CNNM1: variants seen among roughly 807,000 people sequenced by gnomAD.
CNNM1 encodes the protein cyclin and CBS domain divalent metal cation transport mediator 1.
Under a neutral mutation model 78.8 loss-of-function variants are expected in CNNM1, and 44 were observed. The observed-to-expected ratio is 0.56, with a 90% CI of 0.44 to 0.72. The LOEUF (loss-of-function observed/expected upper bound fraction) is 0.72. CNNM1 is among the 30% of genes least tolerant of loss of function. The pLI is 0.00. For synonymous variants in CNNM1, 584 were observed against 581.5 expected (o/e 1.00, Z -0.06); for missense variants, 1,101 against 1,292.2 (o/e 0.85, Z 2.27).
At chr10:99,343,819 A>T (rs2030560925) in intron 1 of CNNM1, among the ~76,000 whole-genome samples, 1 of 151,466 alleles carries the variant, frequency 6.6e-6, no homozygotes, top group African/African-American at 2.4e-5. Context: ...GGTTCAAGCG[A>T]TTCTCCTGCC....
At chr10:99,390,637 T>C (rs1057110759) in intron 10 of CNNM1, among the ~76,000 whole-genome samples, 7 of 152,254 alleles carry the variant, frequency 4.6e-5, no homozygotes, top group Admixed American at 2.6e-4. Context: ...CTGCACACCA[T>C]GCCCACAGGT....
rs981774888 is a variant in CNNM1 at position 99,329,394 on chromosome 10, G to A, written c.7G>A (p.Ala3Thr). 42 of 740,218 alleles carry A rather than the reference G, an allele frequency of 5.7e-5. No homozygotes were observed. In the African/African-American group the frequency reaches 6.2e-4, roughly 11 times the overall value. The allele number at this position is 740,218 out of a possible 1,614,324, so 45.9% of individuals were successfully genotyped here. MAAAAAAAAAVGV... is the reference protein window; with the variant it reads MATAAAAAAAVGV... Reference sequence around the variant, plus strand: ...CAGCTGCGCTGGGTGCAGGATGGCGGCGGCCGCGGCGGCGGCAGCAGCGGT... The same window carrying A: ...CAGCTGCGCTGGGTGCAGGATGGCGACGGCCGCGGCGGCGGCAGCAGCGGT... Residue 3 changes from alanine to threonine, a missense_variant, in exon 1 of 11, where the codon GCG (alanine) becomes ACG (threonine). Physicochemically the swap from Ala to Thr is moderately conservative, Grantham distance 58 (BLOSUM62 0). Transcript: ENST00000356713.
In CNNM1 at chr10:99,393,662, A is replaced by G. The variant is rs975178027; in HGVS notation, c.*2146A>G. ...TCAAATGTCCATCAATTGATGGGGA[A>G]GGCTGGCACCCACCAAGAAGTGGAA... On this transcript the variant is annotated 3_prime_UTR_variant, in exon 11 of 11. Coordinates refer to ENST00000356713, the MANE Select transcript of CNNM1 (RefSeq NM_020348.3). The G allele has an allele frequency of 6.6e-6, 1 of 152,320 alleles. No individual in the cohort carries two copies. Among genetic ancestry groups the G allele is most frequent in the Non-Finnish European group, 1.5e-5 (1 of 68,020 alleles). The allele number at this position is 152,320 out of a possible 1,614,324, so 9.4% of individuals were successfully genotyped here. A position where few individuals can be genotyped will look rare whatever the true frequency, so the allele number is the denominator to read the frequency against.
intron 1 of CNNM1, among the ~76,000 whole-genome samples, chr10:99,356,564 G>GACAGAAAGAAAGAAAGA (rs1554940021): frequency 1.0e-5 from 1 of 98,186 alleles, no homozygotes; most frequent in Non-Finnish European, 2.1e-5. Context: ...CAGACAGACA[G>GACAGAAAGAAAGAAAGA]AAAGAAAGAA....
At chr10:99,361,750 G>A (rs1329318610) in intron 3 of CNNM1, among the ~76,000 whole-genome samples, 1 of 152,080 alleles carries the variant, frequency 6.6e-6, no homozygotes, top group African/African-American at 2.4e-5. Flanking sequence ...ATGCAATGAT[G>A]CCTCACATTA....
At chr10:99,390,178 C>T (rs1195007332) in intron 9 of CNNM1, 128 bp from the exon 10 acceptor site, 4 of 658,236 alleles carry the variant, frequency 6.1e-6, no homozygotes, top group Non-Finnish European at 1.1e-5. Flanking sequence ...TGCCTTGTTA[C>T]ACCACCCTCA....
chr10:99,390,477 T>C, intron 10 of CNNM1, 70 bp downstream of exon 10: 5 of 1,151,378 alleles, frequency 4.3e-6, no homozygotes, highest in Middle Eastern at 2.2e-4. Context: ...CATGTTAGCA[T>C]CTTCCTCTTG....
Position 99,329,463 on chromosome 10 carries a change from C to T in CNNM1, c.76C>T (p.Leu26=), listed in dbSNP as rs1850544373. Residue 26 remains leucine (L), a synonymous_variant, in exon 1 of 11, where the codon CTG becomes TTG. Transcript: ENST00000356713. ...CTGCTGCAGCCGAGGCGCTGTGCTC[C>T]TGCTCTTCTTTTCCCTGTCTCCTCG... The part of the protein sequence containing the change: ...RDCCSRGAVL[L]LFFSLSPRPP... 1 of 1,427,814 alleles carries T rather than the reference C, an allele frequency of 7.0e-7. No homozygotes were observed. Among genetic ancestry groups the T allele is most frequent in the South Asian group, 1.3e-5 (1 of 78,234 alleles). The allele number at this position is 1,427,814 out of a possible 1,614,324, so 88.4% of individuals were successfully genotyped here.
At chr10:99,339,385 GC>G (rs1286891092) in intron 1 of CNNM1, among the ~76,000 whole-genome samples, 3 of 152,186 alleles carry the variant, frequency 2.0e-5, no homozygotes, top group Non-Finnish European at 4.4e-5. Flanking sequence ...GTGGTCTGTT[GC>G]CCAAAGCAGG....
chr10:99,390,256 C>T, intron 9 of CNNM1, 50 bp from the exon 10 acceptor site: 4 of 1,308,344 alleles, frequency 3.1e-6, no homozygotes, highest in Non-Finnish European at 4.4e-6. Context: ...TCTCTTGATG[C>T]CTGAGTGTGT....
At chr10:99,361,476 T>C (rs556091143) in intron 3 of CNNM1, among the ~76,000 whole-genome samples, 1 of 152,378 alleles carries the variant, frequency 6.6e-6, no homozygotes, top group South Asian at 2.1e-4. Flanking sequence ...CATCCATGCC[T>C]AATTAATGTG....
At chr10:99,368,784 G>T in intron 6 of CNNM1, 2 of 726,304 alleles carry the variant, frequency 2.8e-6, no homozygotes, top group Admixed American at 4.8e-5. Flanking sequence ...ACTCCAACAG[G>T]CACTCCTGTG....
intron 1 of CNNM1, among the ~76,000 whole-genome samples, chr10:99,337,963 G>C (rs1384539521): frequency 6.6e-6 from 1 of 152,100 alleles, no homozygotes; most frequent in Non-Finnish European, 1.5e-5. Context: ...GCTTCTTTAG[G>C]TACATCTATT....
At chr10:99,383,614 G>A (rs1303967298) in intron 7 of CNNM1, among the ~76,000 whole-genome samples, 1 of 152,166 alleles carries the variant, frequency 6.6e-6, no homozygotes, top group Non-Finnish European at 1.5e-5. Context: ...TAGGAGTTTG[G>A]AAAGAACAAG....
At chr10:99,390,674 T>C (rs1196047365) in intron 10 of CNNM1, among the ~76,000 whole-genome samples, 1 of 152,220 alleles carries the variant, frequency 6.6e-6, no homozygotes, top group African/African-American at 2.4e-5. Flanking sequence ...CCTTTACTTG[T>C]TTTTGTAAGT....
At chr10:99,372,038 G>T (rs1031307247) in intron 6 of CNNM1, among the ~76,000 whole-genome samples, 4 of 152,110 alleles carry the variant, frequency 2.6e-5, no homozygotes, top group African/African-American at 9.7e-5. Flanking sequence ...TCTGTATCTT[G>T]GGGTCTGATT....
chr10:99,329,741 G>A lies in CNNM1; in HGVS notation c.354G>A (p.Val118=). Residue 118 remains valine, a synonymous_variant, in exon 1 of 11, where the codon GTG becomes GTA. Coordinates refer to ENST00000356713, the MANE Select transcript of CNNM1 (RefSeq NM_020348.3). ...FIEEPPGGGG[V]APSAVPTRPP... ...AGGAGCCCCCGGGCGGTGGCGGCGT[G>A]GCCCCCAGCGCGGTCCCCACTCGCC... 1 of 1,506,540 alleles carries A rather than the reference G, an allele frequency of 6.6e-7. No homozygotes were observed. Among genetic ancestry groups the A allele is most frequent in the Non-Finnish European group, 8.8e-7 (1 of 1,136,998 alleles). 93.3% of individuals were successfully genotyped at this position (1,506,540 alleles called of 1,614,324 possible). A position where few individuals can be genotyped will look rare whatever the true frequency, so the allele number is the denominator to read the frequency against.
At chr10:99,340,498 T>A (rs1564939332) in intron 1 of CNNM1, among the ~76,000 whole-genome samples, 1 of 152,164 alleles carries the variant, frequency 6.6e-6, no homozygotes, top group African/African-American at 2.4e-5. Context: ...CCAAATACAT[T>A]TGATTGTGTT....
At chr10:99,367,643 A>G (rs770563924) in intron 6 of CNNM1, among the ~76,000 whole-genome samples, 2 of 152,220 alleles carry the variant, frequency 1.3e-5, no homozygotes, top group Non-Finnish European at 2.9e-5. Context: ...CCATTCTAAT[A>G]TTCATTAACA....
Sources: gnomAD v4.1 joint callset for allele counts (sites outside exome capture counted in the v4.1 genomes callset) on GRCh38, gnomAD v4.1.1 for gene constraint, MANE v1.5 for transcripts, NCBI Gene and HGNC (gene_info 2026-07-23, HGNC 2026-07-21) for gene names.